ARFGEF1: variants seen among roughly 807,000 people sequenced by gnomAD.
ARFGEF1 encodes brefeldin A-inhibited guanine nucleotide-exchange protein 1.
Under a neutral mutation model 231.0 loss-of-function variants are expected in ARFGEF1, and 42 were observed. The ratio of observed to expected loss-of-function variants is 0.18; its 90% confidence interval spans 0.14 to 0.24. ARFGEF1 has a LOEUF of 0.24. ARFGEF1 is among the 10% of genes least tolerant of loss of function. The pLI, the probability that ARFGEF1 is intolerant of heterozygous loss-of-function variation, is 1.00. For synonymous variants in ARFGEF1, 710 were observed against 732.3 expected, an observed-to-expected ratio of 0.97 and a Z score of 0.49; for missense variants, 1,345 against 2,192.0, an observed-to-expected ratio of 0.61 and a Z score of 7.72.
intron 29 of ARFGEF1, among the ~76,000 whole-genome samples, chr8:67,223,540 T>C (rs969026002): frequency 6.6e-6 from 1 of 152,136 alleles, no homozygotes; most frequent in Non-Finnish European, 1.5e-5. Context: ...TGGGATGAGG[T>C]AGGAAAATCA....
intron 33 of ARFGEF1, among the ~76,000 whole-genome samples, chr8:67,212,991 A>C (rs1323624991): frequency 6.6e-6 from 1 of 152,152 alleles, no homozygotes; most frequent in Non-Finnish European, 1.5e-5. Context: ...TGTTAGGTAT[A>C]TTGTTTTCTC....
intron 10 of ARFGEF1, among the ~76,000 whole-genome samples, chr8:67,270,862 T>TAAAA (rs762952420): frequency 2.7e-5 from 4 of 150,894 alleles, no homozygotes; most frequent in Non-Finnish European, 4.4e-5. Flanking sequence ...CTGTCTCTAC[T>TAAAA]AAAAATACAA....
chr8:67,338,900 T>C (rs1179534748), intron 1 of ARFGEF1, among the ~76,000 whole-genome samples: 1 of 152,162 alleles, frequency 6.6e-6, no homozygotes, highest in Non-Finnish European at 1.5e-5. Context: ...AATCATTTTT[T>C]CATAAATGGT....
intron 14 of ARFGEF1, among the ~76,000 whole-genome samples, chr8:67,265,774 C>T (rs894435486): frequency 6.6e-6 from 1 of 152,004 alleles, no homozygotes; most frequent in Admixed American, 6.6e-5. Context: ...ATCAACAGCA[C>T]TTATAATATG....
At chr8:67,320,779 T>G (rs1335579993) in intron 1 of ARFGEF1, among the ~76,000 whole-genome samples, 1 of 151,404 alleles carries the variant, frequency 6.6e-6, no homozygotes, top group African/African-American at 2.4e-5. Context: ...CTGGCCAACA[T>G]GGTGAAACCC....
At chr8:67,303,725 A>AT (rs1285607597) in intron 1 of ARFGEF1, among the ~76,000 whole-genome samples, 15 of 151,902 alleles carry the variant, frequency 9.9e-5, no homozygotes, top group African/African-American at 3.4e-4. Context: ...TAAAAAAAAA[A>AT]AAAAATAATA....
chr8:67,321,617 C>T (rs1310659949), intron 1 of ARFGEF1, among the ~76,000 whole-genome samples: 4 of 152,090 alleles, frequency 2.6e-5, no homozygotes, highest in African/African-American at 2.4e-5. Flanking sequence ...CCCGCCACCA[C>T]GCCCGGCTAT....
At chr8:67,333,160 C>T (rs1030070988) in intron 1 of ARFGEF1, among the ~76,000 whole-genome samples, 2 of 151,818 alleles carry the variant, frequency 1.3e-5, no homozygotes, top group Admixed American at 6.6e-5. Flanking sequence ...CTCAGCCGCC[C>T]GAGCAGCTGG....
intron 14 of ARFGEF1, among the ~76,000 whole-genome samples, chr8:67,261,611 A>C (rs1804623465): frequency 6.6e-6 from 1 of 152,196 alleles, no homozygotes; most frequent in Non-Finnish European, 1.5e-5. Context: ...ATGTGCGATG[A>C]GATTAGTGTT....
intron 34 of ARFGEF1, among the ~76,000 whole-genome samples, chr8:67,210,715 C>G (rs1260537255): frequency 6.6e-6 from 1 of 152,122 alleles, no homozygotes; most frequent in Non-Finnish European, 1.5e-5. Flanking sequence ...TGCAAGAGGG[C>G]ATCTATCTAC....
chr8:67,218,410 T>TTA (rs1839031250), intron 30 of ARFGEF1, among the ~76,000 whole-genome samples: 1 of 150,568 alleles, frequency 6.6e-6, no homozygotes, highest in South Asian at 2.1e-4. Flanking sequence ...TTTTGATTAT[T>TTA]AAAAAAAACC....
intron 37 of ARFGEF1, among the ~76,000 whole-genome samples, chr8:67,201,124 A>G (rs967811464): frequency 5.3e-5 from 8 of 152,234 alleles, no homozygotes; most frequent in African/African-American, 1.9e-4. Flanking sequence ...AAAACTCCAA[A>G]TATTTTTTTC....
intron 1 of ARFGEF1, among the ~76,000 whole-genome samples, chr8:67,336,634 T>C (rs1214380097): frequency 6.6e-6 from 1 of 152,174 alleles, no homozygotes; most frequent in African/African-American, 2.4e-5. Context: ...ACATGGACTT[T>C]TTCCTTTGTA....
chr8:67,283,676 T>C (rs1252315815), intron 7 of ARFGEF1, among the ~76,000 whole-genome samples: 4 of 151,990 alleles, frequency 2.6e-5, no homozygotes, highest in Non-Finnish European at 5.9e-5. Flanking sequence ...GATGGAAAAA[T>C]GAACAGAAGA....
At chr8:67,230,003 C>CAATAAGACAGGTCCTGTGGACA (rs1563851622) in intron 23 of ARFGEF1, among the ~76,000 whole-genome samples, 1 of 151,976 alleles carries the variant, frequency 6.6e-6, no homozygotes, top group Non-Finnish European at 1.5e-5. Flanking sequence ...CTATCATCAG[C>CAATAAGACAGGTCCTGTGGACA]AATAAGACAG....
chr8:67,341,414 G>A (rs1230380213), intron 1 of ARFGEF1, among the ~76,000 whole-genome samples: 7 of 135,874 alleles, frequency 5.2e-5, no homozygotes, highest in South Asian at 2.4e-4. Flanking sequence ...TAGAGAGACC[G>A]CCATCTCCAC....
At chr8:67,230,891 A>G (rs1839531541) in intron 23 of ARFGEF1, among the ~76,000 whole-genome samples, 1 of 152,110 alleles carries the variant, frequency 6.6e-6, no homozygotes, top group Non-Finnish European at 1.5e-5. Flanking sequence ...GATTCCTAAT[A>G]CAAAAGTAGA....
At chr8:67,276,217 C>A in intron 8 of ARFGEF1, 108 bp from the exon 9 acceptor site, 1 of 1,265,122 alleles carries the variant, frequency 7.9e-7, no homozygotes, top group Non-Finnish European at 1.1e-6. Context: ...GAGATTCCCC[C>A]ACTGTTGGAA....
At chr8:67,291,248 T>A (rs1353508882) in intron 6 of ARFGEF1, among the ~76,000 whole-genome samples, 1 of 152,078 alleles carries the variant, frequency 6.6e-6, no homozygotes, top group Non-Finnish European at 1.5e-5. Flanking sequence ...AGAAACAAAT[T>A]TGTAAAATAA....
Sources: gnomAD v4.1 joint callset for allele counts (sites outside exome capture counted in the v4.1 genomes callset) on GRCh38, gnomAD v4.1.1 for gene constraint, MANE v1.5 for transcripts, NCBI Gene and HGNC (gene_info 2026-07-23, HGNC 2026-07-21) for gene names.